The following PRDM5 variants were observed in gnomAD, a reference collection of about 807,000 sequenced individuals.
The protein encoded by PRDM5 is PR/SET domain 5.
PRDM5 carries 56 observed loss-of-function variants against 81.2 expected under a neutral mutation model. The ratio of observed to expected loss-of-function variants is 0.69; its 90% CI spans 0.56 to 0.86. The LOEUF (loss-of-function observed/expected upper bound fraction) is 0.86, where lower values mean the gene tolerates loss of function less well. PRDM5 is among the 40% of genes least tolerant of loss of function. The pLI, the probability that PRDM5 is intolerant of heterozygous loss-of-function variation, is 0.00. For synonymous variants in PRDM5, 267 were observed against 256.4 expected (o/e 1.04, Z -0.39); for missense variants, 697 against 770.1 (o/e 0.91, Z 1.12).
At chr4:120,836,291 G>A (rs1019930465) in intron 3 of PRDM5, among the ~76,000 whole-genome samples, 10 of 151,930 alleles carry the variant, frequency 6.6e-5, no homozygotes, top group South Asian at 2.1e-4. Context: ...GAATATATAC[G>A]TATTGTTTAT....
chr4:120,917,823 A>G (rs753571188), intron 1 of PRDM5, among the ~76,000 whole-genome samples: 11 of 152,122 alleles, frequency 7.2e-5, no homozygotes, highest in Non-Finnish European at 1.3e-4. Context: ...ATGTGTTTGT[A>G]TATTTGTGGA....
downstream of PRDM5, among the ~76,000 whole-genome samples, chr4:120,689,455 A>C (rs1733957943): frequency 6.6e-6 from 1 of 152,046 alleles, no homozygotes; most frequent in Non-Finnish European, 1.5e-5. Flanking sequence ...TGTCAGGTGG[A>C]AGATGAGCAG....
chr4:120,806,841 T>A lies in PRDM5; in HGVS notation c.945+4529A>T, dbSNP rs188697590. 1.5e-3 allele frequency among the ~76,000 whole-genome samples: 235 copies of A among 152,098 alleles called. 2 individuals carry two copies. In the East Asian group the frequency reaches 0.036, roughly 24 times the overall value. On this transcript the variant is annotated intron_variant, in intron 8 of 15. Transcript: ENST00000264808. ...AAGCAATGGCAACAAAAGCCAAAATTGACAAATGGGATCTAATTAAACTAA... is the reference window on the plus strand; with the variant it reads ...AAGCAATGGCAACAAAAGCCAAAATAGACAAATGGGATCTAATTAAACTAA...
intron 15 of PRDM5, among the ~76,000 whole-genome samples, chr4:120,708,212 T>G (rs1736477408): frequency 6.6e-6 from 1 of 152,142 alleles, no homozygotes; most frequent in South Asian, 2.1e-4. Context: ...ACCACAGCAC[T>G]ATTCACAATA....
intron 14 of PRDM5, among the ~76,000 whole-genome samples, chr4:120,717,453 C>T (rs1012167934): frequency 8.5e-5 from 13 of 152,120 alleles, no homozygotes; most frequent in African/African-American, 2.7e-4. Flanking sequence ...GTAGTTAATG[C>T]CCACCTATAT....
At chr4:120,687,126 T>C (rs79079174), downstream of PRDM5, among the ~76,000 whole-genome samples, 2,131 of 152,220 alleles carry the variant, frequency 0.014, 47 homozygotes, top group African/African-American at 0.047. Flanking sequence ...AAGAGTATTA[T>C]TGTAACCCTA....
rs181462796 is a variant in PRDM5 at position 120,815,758 on chromosome 4, G to A, written c.865+695C>T. 4.6e-5 allele frequency among the ~76,000 whole-genome samples: 7 copies of A among 152,274 alleles called. No homozygotes were observed. The East Asian group carries it at 1.2e-3, about 25-fold the overall frequency. On this transcript the variant is annotated intron_variant, in intron 7 of 15. Coordinates refer to ENST00000264808, the MANE Select transcript of PRDM5 (RefSeq NM_018699.4). ...CATAAATCTCAACCTCCTTTAAGGA[G>A]GAAGTCTTTGGAGGTAAAAAGACAA...
chr4:120,714,233 G>A (rs1458309299), intron 14 of PRDM5, among the ~76,000 whole-genome samples: 4 of 152,026 alleles, frequency 2.6e-5, no homozygotes, highest in Non-Finnish European at 5.9e-5. Context: ...AATTGTTTTT[G>A]ACTGAATATG....
At chr4:120,738,683 C>T (rs1436359042) in intron 14 of PRDM5, among the ~76,000 whole-genome samples, 1 of 152,096 alleles carries the variant, frequency 6.6e-6, no homozygotes, top group Non-Finnish European at 1.5e-5. Flanking sequence ...GATACAACAG[C>T]TAACTTCTCT....
At chr4:120,816,206 C>T in intron 7 of PRDM5, 1 of 570,140 alleles carries the variant, frequency 1.8e-6, no homozygotes, top group Non-Finnish European at 3.1e-6. Flanking sequence ...CCAAACATAA[C>T]TAGACTTTAA....
At chr4:120,721,189 C>G (rs1738545077) in intron 14 of PRDM5, among the ~76,000 whole-genome samples, 1 of 152,168 alleles carries the variant, frequency 6.6e-6, no homozygotes, top group African/African-American at 2.4e-5. Flanking sequence ...CAGGGTGACT[C>G]AAACTAGTCC....
chr4:120,770,838 GTAT>G (rs1260014942), intron 13 of PRDM5, among the ~76,000 whole-genome samples: 1 of 151,770 alleles, frequency 6.6e-6, no homozygotes, highest in Non-Finnish European at 1.5e-5. Flanking sequence ...CTAAATATTT[GTAT>G]TATTCAAGAG....
chr4:120,820,822 G>A (rs949943912), intron 4 of PRDM5, among the ~76,000 whole-genome samples: 2 of 152,192 alleles, frequency 1.3e-5, no homozygotes, highest in African/African-American at 2.4e-5. Context: ...CTTGCCCAAC[G>A]TTACAAGACT....
At chr4:120,792,464 G>C (rs1010027456) in intron 10 of PRDM5, among the ~76,000 whole-genome samples, 4 of 152,092 alleles carry the variant, frequency 2.6e-5, no homozygotes, top group African/African-American at 7.2e-5. Context: ...GTATACTGTT[G>C]GTTGAAATGT....
chr4:120,922,504 C>T lies in PRDM5; in HGVS notation c.93+12G>A, dbSNP rs751520053. 3 of 1,590,466 alleles carry T rather than the reference C, an allele frequency of 1.9e-6. No homozygotes were observed. Among genetic ancestry groups the T allele is most frequent in the East Asian group, 2.4e-5 (1 of 42,530 alleles). ...GGTGCAGGGGCGCGCAGGCCGCCGC[C>T]GGGTCACCCACCTTTCGCACTCTGC... On this transcript the variant is annotated intron_variant, in intron 1 of 15. Transcript: ENST00000264808.
Position 120,806,780 on chromosome 4 carries a change from T to A in PRDM5, c.945+4590A>T, listed in dbSNP as rs191455956. Reference sequence around the variant, plus strand: ...AACCTAGACAATACCATTCAGGACATAGGCATGGGCAAGGACTTCATCTCT... The same window carrying A: ...AACCTAGACAATACCATTCAGGACAAAGGCATGGGCAAGGACTTCATCTCT... On this transcript the variant is annotated intron_variant, in intron 8 of 15. Transcript: ENST00000264808. Among the ~76,000 whole-genome samples the A allele has an allele frequency of 2.9e-3, 436 of 152,258 alleles. 3 individuals carry two copies. Among genetic ancestry groups the A allele is most frequent in the African/African-American group, 0.01 (417 of 41,552 alleles).
intron 2 of PRDM5, among the ~76,000 whole-genome samples, chr4:120,880,928 C>T (rs577281184): frequency 1.4e-4 from 21 of 152,134 alleles, no homozygotes; most frequent in South Asian, 4.1e-4. Flanking sequence ...TTAAGTTCAA[C>T]GAAATATTGT....
intron 2 of PRDM5, among the ~76,000 whole-genome samples, chr4:120,859,615 C>T (rs1760332521): frequency 6.6e-6 from 1 of 152,162 alleles, no homozygotes; most frequent in Non-Finnish European, 1.5e-5. Context: ...AATCCAAATA[C>T]ATATTCAAAT....
intron 2 of PRDM5, among the ~76,000 whole-genome samples, chr4:120,887,180 G>C (rs1399169460): frequency 6.6e-6 from 1 of 152,068 alleles, no homozygotes; most frequent in Non-Finnish European, 1.5e-5. Flanking sequence ...TCCTGAACTC[G>C]TGATCCACCC....
Sources: allele counts gnomAD v4.1 joint callset (sites outside exome capture counted in the v4.1 genomes callset), GRCh38; gene constraint gnomAD v4.1.1; transcripts MANE v1.5; gene names NCBI Gene and HGNC (gene_info 2026-07-23, HGNC 2026-07-21).